Variants in AKR1C8 observed in about 807,000 individuals in gnomAD.
The protein encoded by AKR1C8 is aldo-keto reductase family 1 member C-like protein 1.
the AKR1C8 span, among the ~76,000 whole-genome samples, chr10:5,146,701 A>T: frequency 6.6e-6 from 1 of 152,130 alleles, no homozygotes; most frequent in Non-Finnish European, 1.5e-5. Context: ...TACTCTGCTG[A>T]CTGTTCCTTT....
the AKR1C8 span, among the ~76,000 whole-genome samples, chr10:5,151,029 G>A: frequency 2.0e-5 from 3 of 152,302 alleles, no homozygotes; most frequent in South Asian, 6.2e-4. Context: ...AGTGAGTCAG[G>A]AGTGTTGATT....
chr10:5,127,246 A>G, the AKR1C8 span, among the ~76,000 whole-genome samples: 2 of 152,188 alleles, frequency 1.3e-5, no homozygotes, highest in African/African-American at 4.8e-5. Context: ...TATAAATGAA[A>G]AATTTTCCAG....
chr10:5,178,213 AT>A, the AKR1C8 span, among the ~76,000 whole-genome samples: 6 of 152,150 alleles, frequency 3.9e-5, no homozygotes, highest in African/African-American at 1.4e-4. Flanking sequence ...GAACATCTTT[AT>A]TTCTGCTTTC....
At chr10:5,161,068 T>G in the AKR1C8 span, among the ~76,000 whole-genome samples, 1 of 152,182 alleles carries the variant, frequency 6.6e-6, no homozygotes, top group South Asian at 2.1e-4. Flanking sequence ...TATATGTGTG[T>G]GGGTATGTGT....
the AKR1C8 span, among the ~76,000 whole-genome samples, chr10:5,175,941 A>G: frequency 4.0e-4 from 61 of 152,106 alleles, no homozygotes; most frequent in African/African-American, 1.2e-3. Context: ...TGTTCACTCT[A>G]ATGGTAGTTT....
the AKR1C8 span, among the ~76,000 whole-genome samples, chr10:5,166,799 A>C: frequency 2.6e-5 from 4 of 152,304 alleles, no homozygotes; most frequent in Admixed American, 6.5e-5. Context: ...GGATCTAATT[A>C]AACTCAAGAG....
At chr10:5,165,399 A>AT in the AKR1C8 span, among the ~76,000 whole-genome samples, 14 of 152,020 alleles carry the variant, frequency 9.2e-5, no homozygotes, top group Non-Finnish European at 1.5e-4. Flanking sequence ...GGGGGATAGG[A>AT]TTTTTTCTCC....
the AKR1C8 span, chr10:5,123,892 T>G: frequency 6.9e-7 from 1 of 1,455,252 alleles, no homozygotes; most frequent in East Asian, 2.4e-5. Flanking sequence ...GATTACAGAT[T>G]AAAGTAAAAG....
chr10:5,119,021 T>C, the AKR1C8 span, among the ~76,000 whole-genome samples: 1 of 152,148 alleles, frequency 6.6e-6, no homozygotes, highest in African/African-American at 2.4e-5. Flanking sequence ...CCTTGCAGAA[T>C]GGTCTCCCAA....
the AKR1C8 span, among the ~76,000 whole-genome samples, chr10:5,177,244 T>G: frequency 4.6e-5 from 7 of 151,998 alleles, no homozygotes; most frequent in East Asian, 1.9e-4. Flanking sequence ...ATCATGTGGT[T>G]TTTGTCTTTG....
chr10:5,184,011 T>A, the AKR1C8 span, among the ~76,000 whole-genome samples: 1 of 152,212 alleles, frequency 6.6e-6, no homozygotes, highest in Non-Finnish European at 1.5e-5. Context: ...TGGTGGGCAC[T>A]TTCCTTTCCT....
the AKR1C8 span, among the ~76,000 whole-genome samples, chr10:5,180,619 G>C: frequency 1.1e-4 from 17 of 152,242 alleles, no homozygotes; most frequent in African/African-American, 4.1e-4. Flanking sequence ...TTGAGCTGTG[G>C]TGGGCTCCAC....
At chr10:5,152,507 T>A in the AKR1C8 span, among the ~76,000 whole-genome samples, 1 of 152,158 alleles carries the variant, frequency 6.6e-6, no homozygotes, top group East Asian at 1.9e-4. Flanking sequence ...TCAGAAAAAT[T>A]GTCAGATTGC....
the AKR1C8 span, among the ~76,000 whole-genome samples, chr10:5,126,656 G>GA: frequency 5.9e-5 from 9 of 152,082 alleles, no homozygotes; most frequent in East Asian, 9.7e-4. Flanking sequence ...AAAATACTGG[G>GA]AAAAAATTGA....
chr10:5,175,188 A>G, the AKR1C8 span, among the ~76,000 whole-genome samples: 3 of 131,040 alleles, frequency 2.3e-5, no homozygotes, highest in Non-Finnish European at 1.5e-5. Flanking sequence ...ATGTGTTCTC[A>G]TTGTTCAATT....
chr10:5,156,885 A>G, the AKR1C8 span, among the ~76,000 whole-genome samples: 3 of 152,242 alleles, frequency 2.0e-5, no homozygotes, highest in African/African-American at 7.2e-5. Context: ...GTCATTTTAA[A>G]ATGAGAAACA....
At chr10:5,184,587 G>C in the AKR1C8 span, among the ~76,000 whole-genome samples, 1 of 152,118 alleles carries the variant, frequency 6.6e-6, no homozygotes. Flanking sequence ...CAAGAGTAGA[G>C]TGGCTCTGAC....
the AKR1C8 span, among the ~76,000 whole-genome samples, chr10:5,140,605 C>T: frequency 6.6e-6 from 1 of 150,550 alleles, no homozygotes; most frequent in Non-Finnish European, 1.5e-5. Context: ...AATGAGAACG[C>T]TTGGACACAG....
the AKR1C8 span, among the ~76,000 whole-genome samples, chr10:5,121,914 T>G: frequency 6.6e-6 from 1 of 152,106 alleles, no homozygotes; most frequent in Non-Finnish European, 1.5e-5. Flanking sequence ...ACATTCCTGT[T>G]GGGTCAGAAA....
Sources: gnomAD v4.1 joint callset for allele counts (sites outside exome capture counted in the v4.1 genomes callset) on GRCh38, gnomAD v4.1.1 for gene constraint, MANE v1.5 for transcripts, NCBI Gene and HGNC (gene_info 2026-07-23, HGNC 2026-07-21) for gene names.